The following CACNG7 variants were observed in gnomAD, a reference collection of about 807,000 sequenced individuals.
CACNG7 encodes the protein calcium voltage-gated channel auxiliary subunit gamma 7, also known as voltage-dependent calcium channel gamma-7 subunit.
Under a neutral mutation model 26.3 loss-of-function variants are expected in CACNG7, and 9 were observed. The ratio of observed to expected loss-of-function variants is 0.34; its 90% confidence interval spans 0.21 to 0.60. CACNG7 has a LOEUF of 0.60. CACNG7 is among the 20% of genes least tolerant of loss of function. The pLI is 0.81. For synonymous variants in CACNG7, 170 were observed against 157.0 expected, an observed-to-expected ratio of 1.08 and a Z score of -0.62; for missense variants, 297 against 380.4, an observed-to-expected ratio of 0.78 and a Z score of 1.82.
chr19:53,924,475 C>T lies in CACNG7; in HGVS notation c.424+8970C>T, dbSNP rs190903362. ...AGGTCTGGTCATTGGTGGAGTTGTC[C>T]GAGGTCTGGTATTGGTGGAGTTGTC... is the stretch of plus-strand genomic sequence containing the variant. On this transcript the variant is annotated intron_variant, in intron 4 of 5. Coordinates refer to ENST00000391767, the MANE Select transcript of CACNG7 (RefSeq NM_031896.5). Among the ~76,000 whole-genome samples the T allele has an allele frequency of 2.5e-3, 368 of 146,932 alleles. 1 individual carries two copies. Among genetic ancestry groups the T allele is most frequent in the Non-Finnish European group, 3.9e-3 (263 of 67,006 alleles).
At chr19:53,924,183 T>C (rs1315058243) in intron 4 of CACNG7, among the ~76,000 whole-genome samples, 4 of 141,984 alleles carry the variant, frequency 2.8e-5, no homozygotes, top group Middle Eastern at 4.1e-3. Flanking sequence ...GTCCCAGGTC[T>C]GGTCATTGGT....
chr19:53,912,724 C>T lies in CACNG7; in HGVS notation c.-29-79C>T. 3 of 1,149,610 alleles carry T rather than the reference C, an allele frequency of 2.6e-6. No individual in the cohort carries two copies. Among genetic ancestry groups the T allele is most frequent in the East Asian group, 2.4e-5 (1 of 42,244 alleles). The allele number at this position is 1,149,610 out of a possible 1,614,324, so 71.2% of individuals were successfully genotyped here. ...GGAGTCAGTGTCTCTGGCTAGGGCC[C>T]AGCATCCCGGGTTGCTGCATGGGGT... On this transcript the variant is annotated intron_variant, in intron 1 of 5. Coordinates refer to ENST00000391767, the MANE Select transcript of CACNG7 (RefSeq NM_031896.5). This position sits in a 1 kb window ranked among gnomAD's most constrained non-coding sequence, Gnocchi z 4.6.
intron 4 of CACNG7, among the ~76,000 whole-genome samples, chr19:53,922,534 G>A (rs2068970041): frequency 1.4e-5 from 1 of 73,622 alleles, no homozygotes; most frequent in Non-Finnish European, 2.4e-5. Flanking sequence ...GTTGTCCCAG[G>A]CTGGTCATTG....
intron 5 of CACNG7, 159 bp downstream of exon 5, chr19:53,941,774 G>C (rs1232561226): frequency 2.1e-6 from 2 of 968,604 alleles, no homozygotes; most frequent in Non-Finnish European, 3.0e-6. Flanking sequence ...GGAGGAAGAG[G>C]GGTCTGAGAG....
Position 53,915,377 on chromosome 19 carries a change from C to G in CACNG7, c.296C>G (p.Thr99Arg), listed in dbSNP as rs767563429. ...ATCCCCTCCCCAGAGACAGTGCGCA[C>G]GGCCACCCCCTTCCCCATGGTCAGC... is the stretch of plus-strand genomic sequence containing the variant. ...NTENILKTVR[T>R]ATPFPMVSLF... Residue 99 changes from threonine to arginine, a missense_variant, in exon 4 of 6, where the codon ACG (threonine) becomes AGG (arginine). By Grantham distance (71) the Thr-to-Arg change is moderately conservative. Transcript: ENST00000391767. 14 of 1,613,520 alleles carry G rather than the reference C, an allele frequency of 8.7e-6. No homozygotes were observed. In the South Asian group the frequency reaches 1.5e-4, roughly 18 times the overall value.
rs747198707 is a variant in CACNG7 at position 53,914,503 on chromosome 19, G to T, written c.200G>T (p.Arg67Leu). The T allele has an allele frequency of 6.2e-7, 1 of 1,613,908 alleles. No homozygotes were observed. Reference protein sequence around the residue: ...GLWRVCFFAGREKGRCVASEY... With the variant: ...GLWRVCFFAGLEKGRCVASEY... Reference sequence around the variant, plus strand: ...TGTCTGTTTCTCTTCCCCCCAGGTCGGGAGAAAGGTCGCTGTGTGGCCTCA... The same window carrying T: ...TGTCTGTTTCTCTTCCCCCCAGGTCTGGAGAAAGGTCGCTGTGTGGCCTCA... Residue 67 changes from arginine to leucine, a missense_variant, in exon 3 of 6, where the codon CGG becomes CTG. Coordinates refer to ENST00000391767, the MANE Select transcript of CACNG7 (RefSeq NM_031896.5).
chr19:53,942,149 G>C lies in CACNG7; in HGVS notation c.684G>C (p.Ser228=), dbSNP rs1323729999. The C allele has an allele frequency of 6.2e-6, 10 of 1,614,008 alleles. No homozygotes were observed. Among genetic ancestry groups the C allele is most frequent in the Non-Finnish European group, 8.5e-6 (10 of 1,179,954 alleles). ...GTCTCAGCGACTGCTCCGACTACTC[G>C]GGCCAGTTCCTGCAGCCCGAGGCGT... ...RPRLSDCSDY[S]GQFLQPEAWR... The change falls in exon 6 of 6, where the codon TCG becomes TCC. Residue 228 remains serine, a synonymous_variant. Transcript: ENST00000391767. The surrounding 1 kb of genome is among the most constrained non-coding windows in gnomAD (Gnocchi z 5.9).
At chr19:53,915,780 T>TAGCCCATTTTAC (rs1408210841) in intron 4 of CACNG7, among the ~76,000 whole-genome samples, 11 of 152,152 alleles carry the variant, frequency 7.2e-5, no homozygotes, top group Admixed American at 4.6e-4. Flanking sequence ...ATCCTATTAA[T>TAGCCCATTTTAC]AGCCCATTTT....
intron 4 of CACNG7, among the ~76,000 whole-genome samples, chr19:53,935,798 G>A (rs1469192553): frequency 6.6e-6 from 1 of 151,598 alleles, no homozygotes; most frequent in East Asian, 1.9e-4. Context: ...CCACCACCAT[G>A]CCCAGCTAAT....
rs1281543008 is a variant in CACNG7 at position 53,921,929 on chromosome 19, TC to T, written c.424+6428del. Among the ~76,000 whole-genome samples the T allele has an allele frequency of 7.4e-5, 7 of 94,722 alleles. No individual in the cohort carries two copies. In the South Asian group the frequency reaches 2.2e-3, roughly 30 times the overall value. The allele number at this position is 94,722 out of a possible 152,430, so 62.1% of individuals were successfully genotyped here. On this transcript the variant is annotated intron_variant, in intron 4 of 5. Coordinates refer to ENST00000391767, the MANE Select transcript of CACNG7 (RefSeq NM_031896.5). Reference sequence around the variant, plus strand: ...CCCAGGTCTGGTATTGGTGGAGTTGTCCCCAGGTCTGGTCATTGGTGGAGTT... The same window carrying T: ...CCCAGGTCTGGTATTGGTGGAGTTGTCCCAGGTCTGGTCATTGGTGGAGTT...
In CACNG7 at chr19:53,940,821, G is replaced by A. The variant is rs992802000; in HGVS notation, c.425-649G>A. 2.6e-5 allele frequency among the ~76,000 whole-genome samples: 4 copies of A among 152,138 alleles called. No homozygotes were observed. Among genetic ancestry groups the A allele is most frequent in the Middle Eastern group, 3.4e-3 (1 of 292 alleles). Reference sequence around the variant, plus strand: ...TGTAATCTTAGCATTTGGGGAGGCCGAGGTGGGTGGATCACCTGAGGTCAG... The same window carrying A: ...TGTAATCTTAGCATTTGGGGAGGCCAAGGTGGGTGGATCACCTGAGGTCAG... On this transcript the variant is annotated intron_variant, in intron 4 of 5. Transcript: ENST00000391767. This position sits in a 1 kb window ranked among gnomAD's most constrained non-coding sequence, Gnocchi z 4.1.
At position 53,940,722 on chromosome 19, in the gene CACNG7, C is replaced by T. The variant is rs941409445; in HGVS notation, c.425-748C>T. Among the ~76,000 whole-genome samples, 1 of 152,070 alleles carries T rather than the reference C, an allele frequency of 6.6e-6. No individual in the cohort carries two copies. The highest frequency in any genetic ancestry group is 2.4e-5 in the African/African-American group (1 of 41,406). Reference sequence around the variant, plus strand: ...CCTCCTTCCGAAACCTTTGCCCATGCTGTGCACTCTGCCAGTGTGCCCTTA... The same window carrying T: ...CCTCCTTCCGAAACCTTTGCCCATGTTGTGCACTCTGCCAGTGTGCCCTTA... On this transcript the variant is annotated intron_variant, in intron 4 of 5. Coordinates refer to ENST00000391767, the MANE Select transcript of CACNG7 (RefSeq NM_031896.5). This position sits in a 1 kb window ranked among gnomAD's most constrained non-coding sequence, Gnocchi z 4.1.
chr19:53,919,712 G>C (rs1302457571), intron 4 of CACNG7, among the ~76,000 whole-genome samples: 14 of 130,760 alleles, frequency 1.1e-4, no homozygotes, highest in South Asian at 5.1e-4. Context: ...CATTGGTGGA[G>C]TTGCCCCAGG....
At chr19:53,925,672 CAGG>C (rs2069024833) in intron 4 of CACNG7, among the ~76,000 whole-genome samples, 1 of 152,136 alleles carries the variant, frequency 6.6e-6, no homozygotes, top group Non-Finnish European at 1.5e-5. Context: ...AGGGCTCAGG[CAGG>C]AGGATTACGG....
chr19:53,915,126 GA>G (rs1189499842), intron 3 of CACNG7, among the ~76,000 whole-genome samples: 1 of 152,008 alleles, frequency 6.6e-6, no homozygotes, highest in Non-Finnish European at 1.5e-5. Context: ...CGGTCAATCA[GA>G]AAGGGGGCGG....
At chr19:53,925,737 G>C (rs554481265) in intron 4 of CACNG7, among the ~76,000 whole-genome samples, 9 of 152,250 alleles carry the variant, frequency 5.9e-5, no homozygotes, top group South Asian at 2.1e-4. Context: ...GGATGGACTA[G>C]AGGGAAAGAG....
chr19:53,922,127 C>T (rs376203161), intron 4 of CACNG7, among the ~76,000 whole-genome samples: 24 of 69,480 alleles, frequency 3.5e-4, no homozygotes, highest in East Asian at 1.6e-3. Context: ...TTGCCCCAGG[C>T]CTGGTCATTG....
intron 4 of CACNG7, among the ~76,000 whole-genome samples, chr19:53,922,078 TATTGGTGGAGTTGTCCCCAGGCCTGGTC>T (rs2068962437): frequency 2.3e-5 from 2 of 85,606 alleles, no homozygotes; most frequent in Admixed American, 1.2e-4. Flanking sequence ...CCAGGTCTGG[TATTGGTGGAGTTGTCCCCAGGCCTGGTC>T]ATTGGTGGAG....
At chr19:53,933,929 G>A (rs757628305) in intron 4 of CACNG7, among the ~76,000 whole-genome samples, 17 of 151,482 alleles carry the variant, frequency 1.1e-4, no homozygotes, top group Non-Finnish European at 2.1e-4. Context: ...ACAGAGTCTC[G>A]CTTTGTCACC....
Sources: gnomAD v4.1 joint callset for allele counts (sites outside exome capture counted in the v4.1 genomes callset) on GRCh38, gnomAD v4.1.1 for gene constraint, Gnocchi (gnomAD v3.1) non-coding constraint, MANE v1.5 for transcripts, NCBI Gene and HGNC (gene_info 2026-07-23, HGNC 2026-07-21) for gene names.